Variants in TTC27 observed in about 807,000 individuals in gnomAD.
TTC27 encodes the protein tetratricopeptide repeat protein 27.
A neutral mutation model predicts 115.9 loss-of-function variants in TTC27; 79 were observed. The observed-to-expected ratio is 0.68, with a 90% CI of 0.57 to 0.82. TTC27 has a LOEUF of 0.82. TTC27 is among the 40% of genes least tolerant of loss of function. The pLI is 0.00. For synonymous variants in TTC27, 401 were observed against 356.0 expected, an observed-to-expected ratio of 1.13 and a Z score of -1.42; for missense variants, 1,054 against 993.1, an observed-to-expected ratio of 1.06 and a Z score of -0.82.
intron 5 of TTC27, among the ~76,000 whole-genome samples, chr2:32,652,877 A>G (rs1665182731): frequency 6.6e-6 from 1 of 152,158 alleles, no homozygotes; most frequent in African/African-American, 2.4e-5. Flanking sequence ...AAACATAGGC[A>G]AAGGATTTTA....
At chr2:32,815,706 T>G (rs78847816) in intron 18 of TTC27, among the ~76,000 whole-genome samples, 1,711 of 152,284 alleles carry the variant, frequency 0.011, 40 homozygotes, top group African/African-American at 0.039. Flanking sequence ...TGATCTAAAC[T>G]GCTGGGTACT....
At chr2:32,675,353 T>G (rs1666160717) in intron 8 of TTC27, among the ~76,000 whole-genome samples, 1 of 152,202 alleles carries the variant, frequency 6.6e-6, no homozygotes, top group South Asian at 2.1e-4. Context: ...TTCCCAGGCA[T>G]TATGTCAGCT....
chr2:32,798,716 T>G (rs56025617), intron 16 of TTC27, among the ~76,000 whole-genome samples: 6 of 113,834 alleles, frequency 5.3e-5, no homozygotes, highest in Non-Finnish European at 1.1e-4. Context: ...AAAAAAAAAA[T>G]AATAATAATA....
intron 9 of TTC27, among the ~76,000 whole-genome samples, chr2:32,682,851 T>TTTTTTTG (rs1666486831): frequency 9.3e-6 from 1 of 107,314 alleles, no homozygotes; most frequent in Non-Finnish European, 1.9e-5. Context: ...ATTGTTGTTT[T>TTTTTTTG]TTTTTTTTTT....
At chr2:32,664,568 A>G in intron 6 of TTC27, 101 bp downstream of exon 6, 1 of 1,025,028 alleles carries the variant, frequency 9.8e-7, no homozygotes, top group Non-Finnish European at 1.4e-6. Flanking sequence ...TCTATATCCT[A>G]TTTGCTTTAC....
intron 3 of TTC27, chr2:32,635,347 T>C (rs1664376626): frequency 6.5e-6 from 1 of 153,886 alleles, no homozygotes; most frequent in South Asian, 2.0e-4. Flanking sequence ...TATCCAGAAC[T>C]CGTGCAGCAA....
At chr2:32,682,622 A>ACAAGATGT (rs1203921012) in intron 9 of TTC27, among the ~76,000 whole-genome samples, 1 of 151,594 alleles carries the variant, frequency 6.6e-6, no homozygotes, top group Non-Finnish European at 1.5e-5. Context: ...TATTGAGGCT[A>ACAAGATGT]CAAGATGTCT....
At chr2:32,776,109 A>G (rs1348545766) in intron 13 of TTC27, among the ~76,000 whole-genome samples, 1 of 152,146 alleles carries the variant, frequency 6.6e-6, no homozygotes, top group African/African-American at 2.4e-5. Flanking sequence ...CCCAGTAGAC[A>G]TATATCCATC....
At position 32,739,555 on chromosome 2, in the gene TTC27, GA is replaced by G. The variant is rs542895696; in HGVS notation, c.1452+2743del. Among the ~76,000 whole-genome samples, 381 of 152,088 alleles carry G rather than the reference GA, an allele frequency of 2.5e-3. 7 individuals are homozygous for G. Among genetic ancestry groups the G allele is most frequent in the African/African-American group, 8.8e-3 (364 of 41,490 alleles). On this transcript the variant is annotated intron_variant, in intron 12 of 19. Coordinates refer to ENST00000317907, the MANE Select transcript of TTC27 (RefSeq NM_017735.5). ...AATGCTTCTGTTTCTAAATCCTCTA[GA>G]AAATGTGCATATTTAAAATTTTAGA...
At chr2:32,806,705 CAA>C in intron 16 of TTC27, among the ~76,000 whole-genome samples, 3 of 151,890 alleles carry the variant, frequency 2.0e-5, no homozygotes, top group African/African-American at 7.3e-5. Context: ...TCGCTTGAAC[CAA>C]GAGGCAGAGG....
At chr2:32,774,074 A>T (rs1669916876) in intron 13 of TTC27, among the ~76,000 whole-genome samples, 1 of 152,240 alleles carries the variant, frequency 6.6e-6, no homozygotes, top group Non-Finnish European at 1.5e-5. Flanking sequence ...AAAAGTGGAT[A>T]TAAAATGTCT....
At chr2:32,650,996 T>C (rs1224509603) in intron 5 of TTC27, among the ~76,000 whole-genome samples, 1 of 152,094 alleles carries the variant, frequency 6.6e-6, no homozygotes, top group African/African-American at 2.4e-5. Flanking sequence ...GGATTTTTTT[T>C]TTGGCAAAAG....
intron 11 of TTC27, among the ~76,000 whole-genome samples, chr2:32,736,157 T>G (rs1420478401): frequency 2.0e-5 from 3 of 152,148 alleles, no homozygotes; most frequent in Non-Finnish European, 4.4e-5. Flanking sequence ...CTTAACTCAG[T>G]TTGCTCTTTT....
At chr2:32,639,924 G>A (rs1027757701) in intron 3 of TTC27, among the ~76,000 whole-genome samples, 1 of 152,084 alleles carries the variant, frequency 6.6e-6, no homozygotes, top group African/African-American at 2.4e-5. Flanking sequence ...ACTTGAGCCC[G>A]GGAGATGGAA....
At chr2:32,693,345 A>T (rs1666880091) in intron 9 of TTC27, among the ~76,000 whole-genome samples, 1 of 152,176 alleles carries the variant, frequency 6.6e-6, no homozygotes. Context: ...CATCAGCGTC[A>T]CCTGGGAGCT....
intron 12 of TTC27, among the ~76,000 whole-genome samples, chr2:32,739,564 C>G (rs888272801): frequency 9.9e-5 from 15 of 152,092 alleles, no homozygotes; most frequent in Middle Eastern, 3.4e-3. Flanking sequence ...AGAAAATGTG[C>G]ATATTTAAAA....
chr2:32,778,829 A>G (rs879193366), intron 14 of TTC27, among the ~76,000 whole-genome samples: 1 of 152,230 alleles, frequency 6.6e-6, no homozygotes, highest in Admixed American at 6.5e-5. Context: ...AGACCAACAT[A>G]TGTTTCCATT....
chr2:32,753,566 C>G (rs941825254), intron 12 of TTC27, among the ~76,000 whole-genome samples: 9 of 151,020 alleles, frequency 6.0e-5, no homozygotes, highest in African/African-American at 1.9e-4. Context: ...TCTCCTGCCT[C>G]AGCCTCCTGA....
chr2:32,721,916 C>A (rs1359672260), intron 10 of TTC27, among the ~76,000 whole-genome samples: 1 of 152,214 alleles, frequency 6.6e-6, no homozygotes, highest in African/African-American at 2.4e-5. Flanking sequence ...CCGTGCCTAG[C>A]AGTGCTTCAC....
Sources: gnomAD v4.1 joint callset for allele counts (sites outside exome capture counted in the v4.1 genomes callset) on GRCh38, gnomAD v4.1.1 for gene constraint, MANE v1.5 for transcripts, NCBI Gene and HGNC (gene_info 2026-07-23, HGNC 2026-07-21) for gene names.